Variants in KYNU observed in about 807,000 individuals in gnomAD.
KYNU encodes the protein L-kynurenine hydrolase.
A neutral mutation model predicts 59.2 loss-of-function variants in KYNU; 54 were observed. That is an observed-to-expected ratio of 0.91 (90% CI 0.73 to 1.14). KYNU has a LOEUF of 1.14. Among genes scored for constraint, KYNU ranks in the 50% most tolerant of loss-of-function variants. The pLI is 0.00. For synonymous variants in KYNU, 177 were observed against 192.0 expected, an observed-to-expected ratio of 0.92 and a Z score of 0.65; for missense variants, 567 against 554.4, an observed-to-expected ratio of 1.02 and a Z score of -0.23.
At position 143,050,317 on chromosome 2, in the gene KYNU, A is replaced by G. The variant is rs1276074741; in HGVS notation, c.*8145A>G. 3.3e-5 allele frequency: 5 copies of G among 151,142 alleles called. No homozygotes were observed. In the East Asian group the frequency reaches 9.7e-4, roughly 29 times the overall value. 9.4% of individuals were successfully genotyped at this position (151,142 alleles called of 1,614,324 possible). A position where few individuals can be genotyped will look rare whatever the true frequency, so the allele number is the denominator to read the frequency against. ...TCCCTCCCCTCACCTCCCACCCCCC[A>G]GCAGGCCCTGGTGTGTGTTGTTCCC... is the stretch of plus-strand genomic sequence containing the variant. On this transcript the variant is annotated 3_prime_UTR_variant, in exon 14 of 14. Transcript: ENST00000264170.
intron 2 of KYNU, among the ~76,000 whole-genome samples, chr2:142,908,349 A>G (rs58772969): frequency 0.019 from 2,859 of 152,256 alleles, 108 homozygotes; most frequent in African/African-American, 0.066. Flanking sequence ...ATGCTGTAGT[A>G]AGTTGAAGGT....
At chr2:142,916,649 A>G (rs1026160996) in intron 2 of KYNU, among the ~76,000 whole-genome samples, 1 of 152,122 alleles carries the variant, frequency 6.6e-6, no homozygotes, top group African/African-American at 2.4e-5. Context: ...AGATCTGGAC[A>G]GTATGGATTA....
intron 10 of KYNU, among the ~76,000 whole-genome samples, chr2:143,016,837 CATCACCTAGG>C (rs1291700935): frequency 6.6e-6 from 1 of 152,112 alleles, no homozygotes; most frequent in Non-Finnish European, 1.5e-5. Context: ...CTACTGATCC[CATCACCTAGG>C]TACTGAGCAC....
chr2:142,901,463 C>T (rs1231926875), intron 2 of KYNU, among the ~76,000 whole-genome samples: 1 of 151,840 alleles, frequency 6.6e-6, no homozygotes, highest in Non-Finnish European at 1.5e-5. Flanking sequence ...GCTTTAATAC[C>T]CGCTTGGCAG....
At chr2:142,959,198 A>G (rs189579931) in intron 7 of KYNU, among the ~76,000 whole-genome samples, 8 of 152,308 alleles carry the variant, frequency 5.3e-5, no homozygotes, top group Admixed American at 5.2e-4. Context: ...ATTAAAAATT[A>G]AAAGTAAACT....
chr2:142,945,303 A>G (rs960643133), intron 4 of KYNU, among the ~76,000 whole-genome samples: 2 of 152,250 alleles, frequency 1.3e-5, no homozygotes, highest in African/African-American at 4.8e-5. Context: ...AAGTTAATGA[A>G]ACATTTTAAT....
At chr2:142,885,305 G>C in intron 1 of KYNU, 44 bp from the exon 2 acceptor site, 1 of 1,537,000 alleles carries the variant, frequency 6.5e-7, no homozygotes, top group Non-Finnish European at 9.0e-7. Context: ...ATTTTCTACA[G>C]GAAAATTATG....
chr2:143,006,697 A>T lies in KYNU; in HGVS notation c.902+20676A>T, dbSNP rs1291779665. ...GAGAGCAGTGGCTCTCCCAGCACGC[A>T]GCTGGAGATCTGAGAACTGGCAGAC... On this transcript the variant is annotated intron_variant, in intron 10 of 13. Transcript: ENST00000264170. Among the ~76,000 whole-genome samples, 3 of 151,666 alleles carry T rather than the reference A, an allele frequency of 2.0e-5. No individual in the cohort carries two copies. In the East Asian group the frequency reaches 5.8e-4, roughly 30 times the overall value.
chr2:142,912,503 C>T (rs1183824974), intron 2 of KYNU, among the ~76,000 whole-genome samples: 2 of 151,058 alleles, frequency 1.3e-5, no homozygotes, highest in African/African-American at 4.9e-5. Flanking sequence ...CCTCAGCCTC[C>T]CAAGTAGCTG....
chr2:142,890,364 G>T (rs1423144232), intron 2 of KYNU, among the ~76,000 whole-genome samples: 1 of 152,026 alleles, frequency 6.6e-6, no homozygotes, highest in Admixed American at 6.6e-5. Flanking sequence ...ACAGGACAAA[G>T]ACAATCTTTT....
chr2:143,006,535 A>AAG (rs1558971456), intron 10 of KYNU, among the ~76,000 whole-genome samples: 7 of 76,848 alleles, frequency 9.1e-5, no homozygotes, highest in African/African-American at 3.8e-4. Context: ...CAGGAAGCTC[A>AAG]AACTGGGTGG....
chr2:142,993,598 A>AT (rs1189905518), intron 10 of KYNU, among the ~76,000 whole-genome samples: 1 of 151,976 alleles, frequency 6.6e-6, no homozygotes, highest in Non-Finnish European at 1.5e-5. Flanking sequence ...TTTTTAAAGG[A>AT]TTTTTTTAAA....
intron 2 of KYNU, among the ~76,000 whole-genome samples, chr2:142,906,172 C>A (rs749198206): frequency 6.6e-6 from 1 of 152,136 alleles, no homozygotes; most frequent in Non-Finnish European, 1.5e-5. Flanking sequence ...CGCTTGTTGA[C>A]CCCATTTGCC....
intron 7 of KYNU, among the ~76,000 whole-genome samples, chr2:142,958,272 A>G (rs1014413947): frequency 1.3e-5 from 2 of 152,192 alleles, no homozygotes; most frequent in African/African-American, 4.8e-5. Context: ...ACTTTGGGAA[A>G]GTTACTTTAT....
At chr2:142,938,817 A>T (rs796231868) in intron 4 of KYNU, among the ~76,000 whole-genome samples, 1 of 151,966 alleles carries the variant, frequency 6.6e-6, no homozygotes, top group African/African-American at 2.4e-5. Context: ...AACCTATTAA[A>T]TTTTTTTTAA....
Position 143,046,413 on chromosome 2 carries a change from G to A in KYNU, c.*4241G>A, listed in dbSNP as rs1687165295. On this transcript the variant is annotated 3_prime_UTR_variant, in exon 14 of 14. Coordinates refer to ENST00000264170, the MANE Select transcript of KYNU (RefSeq NM_003937.3). ...AATTTTACATTTGTTTTAGGGAAGAGTCATAAACCATCTTTAAGTTCTCCT... is the reference window on the plus strand; with the variant it reads ...AATTTTACATTTGTTTTAGGGAAGAATCATAAACCATCTTTAAGTTCTCCT... 6.6e-6 allele frequency: 1 copy of A among 152,088 alleles called. No individual in the cohort carries two copies. The highest frequency in any genetic ancestry group is 1.5e-5 in the Non-Finnish European group (1 of 68,026). The allele number at this position is 152,088 out of a possible 1,614,324, so 9.4% of individuals were successfully genotyped here. A position where few individuals can be genotyped will look rare whatever the true frequency, so the allele number is the denominator to read the frequency against.
chr2:142,939,006 A>C (rs2105044197), intron 4 of KYNU, among the ~76,000 whole-genome samples: 1 of 152,158 alleles, frequency 6.6e-6, no homozygotes, highest in South Asian at 2.1e-4. Flanking sequence ...GAAGAAAGAA[A>C]AATTAGTGGG....
At chr2:142,903,369 C>A (rs986291353) in intron 2 of KYNU, among the ~76,000 whole-genome samples, 1 of 151,980 alleles carries the variant, frequency 6.6e-6, no homozygotes, top group African/African-American at 2.4e-5. Context: ...GTTCCTTTTC[C>A]TATGTTCAGG....
intron 10 of KYNU, among the ~76,000 whole-genome samples, chr2:143,006,109 G>A (rs927391795): frequency 1.3e-5 from 2 of 152,076 alleles, no homozygotes; most frequent in African/African-American, 4.8e-5. Flanking sequence ...GAGCAACGCA[G>A]AAGACGGGTG....
Sources: gnomAD v4.1 joint callset for allele counts (sites outside exome capture counted in the v4.1 genomes callset) on GRCh38, gnomAD v4.1.1 for gene constraint, MANE v1.5 for transcripts, NCBI Gene and HGNC (gene_info 2026-07-23, HGNC 2026-07-21) for gene names.